TAOK3: variants seen among roughly 807,000 people sequenced by gnomAD.
TAOK3 encodes serine/threonine-protein kinase TAO3.
Under a neutral mutation model 120.4 loss-of-function variants are expected in TAOK3, and 40 were observed. That is an observed-to-expected ratio of 0.33 (90% CI 0.26 to 0.43). TAOK3 has a LOEUF of 0.43. Ranked by LOEUF, TAOK3 falls within the 20% of genes least tolerant of loss-of-function variation. The pLI is 1.00. For missense variants in TAOK3, 821 were observed against 1,112.1 expected (o/e 0.74, Z 3.72); for synonymous variants, 355 against 387.5 (o/e 0.92, Z 0.99).
chr12:118,249,434 CG>C (rs1466363193), intron 3 of TAOK3, among the ~76,000 whole-genome samples: 1 of 151,664 alleles, frequency 6.6e-6, no homozygotes, highest in Non-Finnish European at 1.5e-5. Context: ...TGGTGGCACA[CG>C]TCTGTAATCC....
At chr12:118,182,623 A>ATATTTTTT (rs371125415) in intron 14 of TAOK3, among the ~76,000 whole-genome samples, 2 of 92,416 alleles carry the variant, frequency 2.2e-5, no homozygotes, top group African/African-American at 9.9e-5. Flanking sequence ...ATATATATAT[A>ATATTTTTT]TTTTTTTTTT....
chr12:118,278,079 A>G (rs1194774517), intron 1 of TAOK3, among the ~76,000 whole-genome samples: 1 of 151,916 alleles, frequency 6.6e-6, no homozygotes, highest in East Asian at 1.9e-4. Flanking sequence ...CCCCACCCCA[A>G]AAGCCTATTT....
At chr12:118,304,669 T>TAC in intron 1 of TAOK3, among the ~76,000 whole-genome samples, 1 of 152,356 alleles carries the variant, frequency 6.6e-6, no homozygotes, top group African/African-American at 2.4e-5. Context: ...TTTTGAATGT[T>TAC]ATATGTGTAC....
At chr12:118,176,692 A>AT (rs2036354273) in intron 16 of TAOK3, among the ~76,000 whole-genome samples, 1 of 152,138 alleles carries the variant, frequency 6.6e-6, no homozygotes, top group Non-Finnish European at 1.5e-5. Context: ...AGTCAGATAA[A>AT]AAAATAAATA....
Position 118,176,615 on chromosome 12 carries a change from T to C in TAOK3, c.1695+586A>G, listed in dbSNP as rs557061096. ...AGCAGCAGCGTCATCTGGGAGCTTG[T>C]TAGAAACACAAATTTTCAAACTCTA... On this transcript the variant is annotated intron_variant, in intron 16 of 20. Transcript: ENST00000392533. 7.9e-5 allele frequency among the ~76,000 whole-genome samples: 12 copies of C among 152,194 alleles called. No individual in the cohort carries two copies. The East Asian group carries it at 2.3e-3, about 29-fold the overall frequency.
At chr12:118,234,761 A>G (rs931982051) in intron 8 of TAOK3, among the ~76,000 whole-genome samples, 3 of 152,206 alleles carry the variant, frequency 2.0e-5, no homozygotes. Context: ...GAGCCATATA[A>G]AGCAATATAA....
At chr12:118,238,687 T>C (rs2040120086) in intron 6 of TAOK3, among the ~76,000 whole-genome samples, 1 of 150,966 alleles carries the variant, frequency 6.6e-6, no homozygotes, top group African/African-American at 2.4e-5. Flanking sequence ...CAGGCTGGAG[T>C]GCAGTGTTTC....
intron 9 of TAOK3, among the ~76,000 whole-genome samples, chr12:118,220,396 C>G (rs1217160928): frequency 1.3e-5 from 2 of 151,920 alleles, no homozygotes; most frequent in African/African-American, 4.8e-5. Flanking sequence ...TGTCAACAAA[C>G]AAAGAATCTT....
intron 1 of TAOK3, among the ~76,000 whole-genome samples, chr12:118,367,912 T>C (rs1313684782): frequency 1.3e-5 from 2 of 152,138 alleles, no homozygotes; most frequent in Admixed American, 6.5e-5. Context: ...ATGCTACTGA[T>C]AGCAACAAAT....
chr12:118,302,898 C>T (rs549862320), intron 1 of TAOK3, among the ~76,000 whole-genome samples: 19 of 152,092 alleles, frequency 1.2e-4, no homozygotes, highest in Non-Finnish European at 8.8e-5. Context: ...TTCATAAATG[C>T]ACACAGATCT....
Position 118,314,247 on chromosome 12 carries a change from A to G in TAOK3, c.-193-47488T>C, listed in dbSNP as rs1021825410. ...CTGAATATGTTTTTACCCAAAATCA[A>G]TGTTTCATATGGAATTTAGGTTTTC... On this transcript the variant is annotated intron_variant, in intron 1 of 20. Transcript: ENST00000392533. Among the ~76,000 whole-genome samples, 8 of 152,184 alleles carry G rather than the reference A, an allele frequency of 5.3e-5. No individual in the cohort carries two copies. The South Asian group carries it at 1.7e-3, about 32-fold the overall frequency.
At chr12:118,188,109 CAG>C (rs2037185569) in intron 14 of TAOK3, among the ~76,000 whole-genome samples, 1 of 152,098 alleles carries the variant, frequency 6.6e-6, no homozygotes, top group African/African-American at 2.4e-5. Flanking sequence ...GAACCTGTCC[CAG>C]AGGGGGAAAG....
intron 9 of TAOK3, 100 bp from the exon 10 acceptor site, chr12:118,214,210 C>A: frequency 1.2e-6 from 1 of 850,174 alleles, no homozygotes; most frequent in East Asian, 2.6e-5. Flanking sequence ...AAATCAATAG[C>A]TCATTACTGT....
chr12:118,354,005 T>C (rs1160047873), intron 1 of TAOK3, among the ~76,000 whole-genome samples: 1 of 152,174 alleles, frequency 6.6e-6, no homozygotes, highest in Non-Finnish European at 1.5e-5. Context: ...TTTAATATTT[T>C]CAATACGTCA....
At chr12:118,194,844 G>A (rs752036228) in intron 13 of TAOK3, among the ~76,000 whole-genome samples, 1 of 151,962 alleles carries the variant, frequency 6.6e-6, no homozygotes, top group Non-Finnish European at 1.5e-5. Context: ...TCCTCCCCAG[G>A]TTTAAGCAAT....
chr12:118,236,848 G>A (rs2040038214), intron 7 of TAOK3, among the ~76,000 whole-genome samples: 1 of 152,024 alleles, frequency 6.6e-6, no homozygotes, highest in South Asian at 2.1e-4. Context: ...TTATTTATAA[G>A]TATTTTGACT....
rs770867106 is a variant in TAOK3 at position 118,150,878 on chromosome 12, AAGAG to A, written c.*115_*118del. 3.2e-5 allele frequency: 33 copies of A among 1,016,632 alleles called. No individual in the cohort carries two copies. The highest frequency in any genetic ancestry group is 3.3e-4 in the Middle Eastern group (1 of 3,034). 63.0% of individuals were successfully genotyped at this position (1,016,632 alleles called of 1,614,324 possible). ...AGTCCGACACGATGTCAGTAAGAGTAAGAGAGAGAGAGAGTGAGAGCAACGCCCG... is the reference window on the plus strand; with the variant it reads ...AGTCCGACACGATGTCAGTAAGAGTAAGAGAGAGAGTGAGAGCAACGCCCG... On this transcript the variant is annotated 3_prime_UTR_variant, in exon 21 of 21. Coordinates refer to ENST00000392533, the MANE Select transcript of TAOK3 (RefSeq NM_016281.4).
At chr12:118,219,987 C>T (rs1280676611) in intron 9 of TAOK3, among the ~76,000 whole-genome samples, 1 of 151,030 alleles carries the variant, frequency 6.6e-6, no homozygotes, top group African/African-American at 2.4e-5. Flanking sequence ...TCCTTTCCTC[C>T]CTCTCTCTTT....
intron 3 of TAOK3, among the ~76,000 whole-genome samples, chr12:118,248,566 A>G (rs1469325807): frequency 6.6e-6 from 1 of 152,146 alleles, no homozygotes. Flanking sequence ...AGCCTGAGAA[A>G]GATTTAGGAA....
Sources: gnomAD v4.1 joint callset for allele counts (sites outside exome capture counted in the v4.1 genomes callset) on GRCh38, gnomAD v4.1.1 for gene constraint, MANE v1.5 for transcripts, NCBI Gene and HGNC (gene_info 2026-07-23, HGNC 2026-07-21) for gene names.